JPH3: variants seen among roughly 807,000 people sequenced by gnomAD.
The protein encoded by JPH3 is junctophilin 3.
JPH3 carries 11 observed loss-of-function variants against 59.6 expected under a neutral mutation model. The ratio of observed to expected loss-of-function variants is 0.18; its 90% CI spans 0.12 to 0.31. The LOEUF (loss-of-function observed/expected upper bound fraction) is 0.31, where lower values mean the gene tolerates loss of function less well. Ranked by LOEUF, JPH3 falls within the 10% of genes least tolerant of loss-of-function variation. The pLI, the probability that JPH3 is intolerant of heterozygous loss-of-function variation, is 1.00. For synonymous variants in JPH3, 673 were observed against 483.6 expected (o/e 1.39, Z -5.14); for missense variants, 1,202 against 1,105.7 (o/e 1.09, Z -1.24).
At chr16:87,669,764 A>G (rs1288298770) in intron 2 of JPH3, among the ~76,000 whole-genome samples, 3 of 152,186 alleles carry the variant, frequency 2.0e-5, no homozygotes, top group African/African-American at 7.2e-5. Context: ...GGAACGAAGG[A>G]CAGGAAGTCC....
chr16:87,641,392 C>G (rs1225201840), intron 1 of JPH3, among the ~76,000 whole-genome samples: 1 of 152,156 alleles, frequency 6.6e-6, no homozygotes, highest in African/African-American at 2.4e-5. Flanking sequence ...TGGCAGTGGA[C>G]TTGCCTCCAG....
At chr16:87,681,783 C>CTTCCTATT (rs1335801206) in intron 2 of JPH3, among the ~76,000 whole-genome samples, 3 of 152,286 alleles carry the variant, frequency 2.0e-5, no homozygotes, top group East Asian at 3.9e-4. Flanking sequence ...TTTTCCTTGG[C>CTTCCTATT]TTCCGGGGAG....
intron 3 of JPH3, 54 bp downstream of exon 3, chr16:87,684,320 C>T (rs1182910748): frequency 1.3e-6 from 2 of 1,592,944 alleles, no homozygotes; most frequent in African/African-American, 1.3e-5. Flanking sequence ...GCGTGGATGG[C>T]TGGGCAGTCC....
At chr16:87,603,560 G>T in intron 1 of JPH3, 32 bp downstream of exon 1, 1 of 1,536,574 alleles carries the variant, frequency 6.5e-7, no homozygotes, top group Non-Finnish European at 8.8e-7. Context: ...GGGCCGGGGC[G>T]GGAGGGACGT....
At chr16:87,629,065 T>C (rs1286775341) in intron 1 of JPH3, among the ~76,000 whole-genome samples, 2 of 151,954 alleles carry the variant, frequency 1.3e-5, no homozygotes, top group Admixed American at 6.6e-5. Context: ...GGGCTAACGC[T>C]GTGGGGGGGG....
chr16:87,627,090 G>C (rs1157953257), intron 1 of JPH3, among the ~76,000 whole-genome samples: 1 of 152,218 alleles, frequency 6.6e-6, no homozygotes, highest in Non-Finnish European at 1.5e-5. Flanking sequence ...CAGCCCCGCT[G>C]AATCAGTGTC....
Position 87,696,740 on chromosome 16 carries a change from A to G in JPH3, c.*80A>G. ...TTAAAAGCAAAACCACAAGAAGGGA[A>G]AGACCGCAACTCGGACAGCCCAGCG... On this transcript the variant is annotated 3_prime_UTR_variant, in exon 5 of 5. Transcript: ENST00000284262. The G allele has an allele frequency of 8.3e-7, 1 of 1,199,664 alleles. No homozygotes were observed. Among genetic ancestry groups the G allele is most frequent in the Non-Finnish European group, 1.2e-6 (1 of 816,992 alleles). 74.3% of individuals were successfully genotyped at this position (1,199,664 alleles called of 1,614,324 possible). A position where few individuals can be genotyped will look rare whatever the true frequency, so the allele number is the denominator to read the frequency against.
intron 4 of JPH3, among the ~76,000 whole-genome samples, chr16:87,691,659 G>A (rs567536423): frequency 5.9e-5 from 9 of 152,234 alleles, no homozygotes; most frequent in Middle Eastern, 6.8e-3. Flanking sequence ...ACGTCCTGCC[G>A]GGCGGCAATG....
intron 1 of JPH3, among the ~76,000 whole-genome samples, chr16:87,638,805 C>G (rs2031843438): frequency 6.6e-6 from 1 of 152,200 alleles, no homozygotes; most frequent in African/African-American, 2.4e-5. Context: ...GGACAGGACA[C>G]AGCGAAGGTG....
At chr16:87,695,575 C>CT (rs112124169) in intron 4 of JPH3, 3 of 455,530 alleles carry the variant, frequency 6.6e-6, no homozygotes, top group African/African-American at 2.0e-5. Flanking sequence ...TGGAAGCAGA[C>CT]TGTGGGCAAG....
chr16:87,665,386 G>A (rs951698247), intron 2 of JPH3, among the ~76,000 whole-genome samples: 4 of 152,240 alleles, frequency 2.6e-5, no homozygotes, highest in Non-Finnish European at 5.9e-5. Flanking sequence ...GACAGCACCG[G>A]CCCAGCCCCG....
intron 4 of JPH3, chr16:87,695,429 T>C (rs558860067): frequency 3.7e-5 from 17 of 456,004 alleles, no homozygotes; most frequent in Admixed American, 7.0e-5. Flanking sequence ...AGCAGCAGGA[T>C]GTCTGCGTGG....
Position 87,603,468 on chromosome 16 carries a change from GA to G in JPH3, c.324del (p.Thr110ProfsTer51). The G allele has an allele frequency of 6.4e-7, 1 of 1,559,270 alleles. No homozygotes were observed. The highest frequency in any genetic ancestry group is 8.7e-7 in the Non-Finnish European group (1 of 1,152,326). On this transcript the variant is annotated frameshift_variant, in exon 1 of 5. Coordinates refer to ENST00000284262, the MANE Select transcript of JPH3 (RefSeq NM_020655.4). LOFTEE classifies it high-confidence loss of function. Reference protein sequence around the residue: ...RECAGNGAKYEGTWSNGLQDG... With the variant: ...RECAGNGAKYXGTWSNGLQDG... ...GTGCGCGGGCAACGGGGCCAAATAC[GA>G]AGGGACCTGGAGCAACGGGCTGCAG...
At chr16:87,687,022 C>G (rs983380068) in intron 3 of JPH3, among the ~76,000 whole-genome samples, 4 of 152,184 alleles carry the variant, frequency 2.6e-5, no homozygotes, top group African/African-American at 9.7e-5. Context: ...TGAGCAGCAT[C>G]TTCCCTGGAG....
chr16:87,669,273 C>G (rs1286962223), intron 2 of JPH3, among the ~76,000 whole-genome samples: 1 of 151,724 alleles, frequency 6.6e-6, no homozygotes, highest in Non-Finnish European at 1.5e-5. Flanking sequence ...TGCTTGCCTG[C>G]TGGGTAGGAT....
At position 87,689,641 on chromosome 16, in the gene JPH3, T is replaced by TA. The variant is rs1466065474; in HGVS notation, c.1286-4dup. ...CGTCTGGCGTCGTCTTGTGTCCCCA[T>TA]ACAGGGCTGGAGTACCAGAGGCCGA... is the stretch of plus-strand genomic sequence containing the variant. On this transcript the variant is annotated splice_region_variant and splice_polypyrimidine_tract_variant and intron_variant, in intron 3 of 4. Coordinates refer to ENST00000284262, the MANE Select transcript of JPH3 (RefSeq NM_020655.4). 1 of 1,611,148 alleles carries TA rather than the reference T, an allele frequency of 6.2e-7. No individual in the cohort carries two copies. The highest frequency in any genetic ancestry group is 8.5e-7 in the Non-Finnish European group (1 of 1,179,186).
chr16:87,649,760 G>GA (rs1567598928), intron 2 of JPH3, among the ~76,000 whole-genome samples: 6 of 147,840 alleles, frequency 4.1e-5, no homozygotes, highest in Admixed American at 3.4e-4. Context: ...TGGCCCCTGG[G>GA]ACCTGCTCAG....
At chr16:87,677,331 C>T (rs561073010) in intron 2 of JPH3, among the ~76,000 whole-genome samples, 52 of 149,356 alleles carry the variant, frequency 3.5e-4, no homozygotes, top group South Asian at 8.3e-4. Context: ...TGCAGTGAGC[C>T]GTGATCATGC....
At chr16:87,683,550 C>T (rs1229848659) in intron 2 of JPH3, among the ~76,000 whole-genome samples, 2 of 151,934 alleles carry the variant, frequency 1.3e-5, no homozygotes, top group East Asian at 1.9e-4. Context: ...ATGATCTGCC[C>T]GCCTCAGCCT....
Sources: allele counts gnomAD v4.1 joint callset (sites outside exome capture counted in the v4.1 genomes callset), GRCh38; gene constraint gnomAD v4.1.1; transcripts MANE v1.5; gene names NCBI Gene and HGNC (gene_info 2026-07-23, HGNC 2026-07-21).